The following SNX29 variants were observed in gnomAD, a reference collection of about 807,000 sequenced individuals.
The protein encoded by SNX29 is sorting nexin-29.
SNX29 carries 78 observed loss-of-function variants against 102.1 expected under a neutral mutation model. That is an observed-to-expected ratio of 0.76 (90% CI 0.64 to 0.92). The LOEUF is 0.92. Among genes scored for constraint, SNX29 ranks in the 40% least tolerant of loss-of-function variants. SNX29 has a pLI of 0.00. For missense variants in SNX29, 1,280 were observed against 1,061.7 expected (o/e 1.21, Z -2.86); for synonymous variants, 580 against 414.5 (o/e 1.40, Z -4.85).
intron 16 of SNX29, among the ~76,000 whole-genome samples, chr16:12,358,831 G>C (rs1332488757): frequency 6.6e-6 from 1 of 152,198 alleles, no homozygotes; most frequent in Non-Finnish European, 1.5e-5. Flanking sequence ...AGGATTCAGG[G>C]AGCTTCCAGG....
chr16:11,992,370 G>T (rs73515629), intron 1 of SNX29, among the ~76,000 whole-genome samples: 2,399 of 151,174 alleles, frequency 0.016, 73 homozygotes, highest in African/African-American at 0.055. Context: ...GCAGTTCAGG[G>T]GCATTTAGTA....
intron 16 of SNX29, among the ~76,000 whole-genome samples, chr16:12,363,722 A>G (rs1287071850): frequency 1.3e-5 from 2 of 152,206 alleles, no homozygotes; most frequent in African/African-American, 4.8e-5. Flanking sequence ...AGAGATGAGC[A>G]GGGTTAGTTT....
intron 1 of SNX29, among the ~76,000 whole-genome samples, chr16:11,979,700 C>G (rs1303881423): frequency 3.3e-5 from 5 of 152,212 alleles, no homozygotes; most frequent in African/African-American, 4.8e-5. Context: ...TCTTCTGCCT[C>G]AGGCTCCCAA....
intron 14 of SNX29, among the ~76,000 whole-genome samples, chr16:12,236,669 C>G (rs1370094971): frequency 6.6e-6 from 1 of 152,208 alleles, no homozygotes; most frequent in Non-Finnish European, 1.5e-5. Flanking sequence ...CACAGGCTAC[C>G]ACTGATTGAA....
chr16:12,572,128 C>T lies in SNX29; in HGVS notation c.*3499C>T, dbSNP rs540246260. On this transcript the variant is annotated 3_prime_UTR_variant, in exon 21 of 21. Coordinates refer to ENST00000566228, the MANE Select transcript of SNX29 (RefSeq NM_032167.5). Reference sequence around the variant, plus strand: ...GGTCTGATCACAGCCCTTGGCCCTGCTTCATACTTTGGAGCTTATTAAGAT... The same window carrying T: ...GGTCTGATCACAGCCCTTGGCCCTGTTTCATACTTTGGAGCTTATTAAGAT... 6 of 1,025,122 alleles carry T rather than the reference C, an allele frequency of 5.9e-6. No homozygotes were observed. The highest frequency in any genetic ancestry group is 5.1e-5 in the East Asian group (1 of 19,708). 63.5% of individuals were successfully genotyped at this position (1,025,122 alleles called of 1,614,324 possible).
chr16:12,419,821 G>A (rs79172067), intron 18 of SNX29, among the ~76,000 whole-genome samples: 2,134 of 152,262 alleles, frequency 0.014, 58 homozygotes, highest in African/African-American at 0.048. Context: ...ATACTGGGTC[G>A]GTGTCGTGTA....
At chr16:12,535,605 T>A (rs2077053558) in intron 20 of SNX29, among the ~76,000 whole-genome samples, 1 of 152,130 alleles carries the variant, frequency 6.6e-6, no homozygotes, top group Admixed American at 6.5e-5. Flanking sequence ...CCTCTACCCT[T>A]TGTCACTGTC....
chr16:12,159,075 A>G (rs1457865544), intron 13 of SNX29, among the ~76,000 whole-genome samples: 1 of 152,236 alleles, frequency 6.6e-6, no homozygotes, highest in Non-Finnish European at 1.5e-5. Flanking sequence ...TCTTGTGCAT[A>G]ACTGCATTAT....
chr16:12,402,103 A>C (rs2083969118), intron 17 of SNX29, among the ~76,000 whole-genome samples: 1 of 152,368 alleles, frequency 6.6e-6, no homozygotes, highest in East Asian at 1.9e-4. Flanking sequence ...GAAAGTGATT[A>C]GATACACAAA....
At chr16:12,423,196 G>GTT (rs57076200) in intron 18 of SNX29, among the ~76,000 whole-genome samples, 1 of 145,962 alleles carries the variant, frequency 6.9e-6, no homozygotes. Context: ...GCATGGGGTT[G>GTT]TTTTTTTTTT....
intron 17 of SNX29, among the ~76,000 whole-genome samples, chr16:12,399,792 G>A (rs1432508949): frequency 1.3e-5 from 2 of 152,196 alleles, no homozygotes; most frequent in African/African-American, 2.4e-5. Context: ...AGAGGTGAAG[G>A]ATGAAAATCA....
At chr16:12,473,290 TAATTTTGAGTA>T in intron 18 of SNX29, among the ~76,000 whole-genome samples, 1 of 152,312 alleles carries the variant, frequency 6.6e-6, no homozygotes, top group African/African-American at 2.4e-5. Context: ...TAATTTTGAG[TAATTTTGAGTA>T]ATTTTAATGG....
rs1217300827 is a variant in SNX29, at chr16:12,572,558, C to A, written c.*3929C>A. ...GGGGCTGCGACACCATCTGGCTCCT[C>A]ACAGGGAGGTCCAGCCATGTTCTCT... On this transcript the variant is annotated 3_prime_UTR_variant, in exon 21 of 21. Transcript: ENST00000566228. The A allele has an allele frequency of 1.9e-6, 2 of 1,063,824 alleles. No individual in the cohort carries two copies. Among genetic ancestry groups the A allele is most frequent in the Non-Finnish European group, 2.3e-6 (2 of 878,314 alleles). The allele number at this position is 1,063,824 out of a possible 1,614,324, so 65.9% of individuals were successfully genotyped here.
At position 12,522,547 on chromosome 16, in the gene SNX29, A is replaced by G. The variant is rs1367651596; in HGVS notation, c.2179-2155A>G. On this transcript the variant is annotated intron_variant, in intron 19 of 20. Transcript: ENST00000566228. ...GGGCCTGGTGGGAGGTGACTGGATC[A>G]TGGGGGTGGATTTCCTCCTTGCTGT... Among the ~76,000 whole-genome samples, 9 of 152,142 alleles carry G rather than the reference A, an allele frequency of 5.9e-5. 1 individual carries two copies. The South Asian group carries it at 1.0e-3, about 18-fold the overall frequency.
chr16:12,345,294 C>T (rs1006957350), intron 15 of SNX29, among the ~76,000 whole-genome samples: 1 of 152,214 alleles, frequency 6.6e-6, no homozygotes, highest in East Asian at 1.9e-4. Context: ...CAGCCATCTC[C>T]ATGTGACCAT....
At chr16:12,044,306 C>T (rs1190235705) in intron 5 of SNX29, among the ~76,000 whole-genome samples, 1 of 152,210 alleles carries the variant, frequency 6.6e-6, no homozygotes, top group African/African-American at 2.4e-5. Context: ...GCTTTATCTA[C>T]TGCTGTGGTC....
chr16:12,288,020 T>C (rs1251847490), intron 15 of SNX29, among the ~76,000 whole-genome samples: 1 of 152,168 alleles, frequency 6.6e-6, no homozygotes, highest in East Asian at 1.9e-4. Context: ...ACCCTGTAAT[T>C]ACAAAAAAAA....
At chr16:12,354,490 C>T (rs774024603) in intron 15 of SNX29, among the ~76,000 whole-genome samples, 1 of 152,260 alleles carries the variant, frequency 6.6e-6, no homozygotes, top group East Asian at 1.9e-4. Flanking sequence ...TGGAAAATTG[C>T]AGTAACACTC....
At chr16:12,196,064 C>A (rs900859331) in intron 13 of SNX29, among the ~76,000 whole-genome samples, 1 of 151,034 alleles carries the variant, frequency 6.6e-6, no homozygotes, top group Admixed American at 6.6e-5. Context: ...CAACCTCCAC[C>A]TCCCCGGCTC....
Sources: allele counts gnomAD v4.1 joint callset (sites outside exome capture counted in the v4.1 genomes callset), GRCh38; gene constraint gnomAD v4.1.1; transcripts MANE v1.5; gene names NCBI Gene and HGNC (gene_info 2026-07-23, HGNC 2026-07-21).